OPCML: variants seen among roughly 807,000 people sequenced by gnomAD.
OPCML encodes opioid-binding protein/cell adhesion molecule.
OPCML carries 13 observed loss-of-function variants against 37.8 expected under a neutral mutation model. The ratio of observed to expected loss-of-function variants is 0.34; its 90% CI spans 0.22 to 0.55. The LOEUF (loss-of-function observed/expected upper bound fraction) is 0.55, where lower values mean the gene tolerates loss of function less well. OPCML is among the 20% of genes least tolerant of loss of function. The probability of loss-of-function intolerance (pLI) is 0.91; values close to 1 mark genes in which losing one functional copy is unlikely to be tolerated. For synonymous variants in OPCML, 176 were observed against 168.8 expected (o/e 1.04, Z -0.33); for missense variants, 341 against 435.6 (o/e 0.78, Z 1.93).
chr11:132,501,867 C>A (rs1459529881), intron 4 of OPCML, among the ~76,000 whole-genome samples: 1 of 152,154 alleles, frequency 6.6e-6, no homozygotes, highest in Non-Finnish European at 1.5e-5. Flanking sequence ...GAAGAATAGA[C>A]CCTCCTATCT....
chr11:132,770,803 A>C (rs1037969876), intron 2 of OPCML, among the ~76,000 whole-genome samples: 3 of 152,120 alleles, frequency 2.0e-5, no homozygotes, highest in Non-Finnish European at 4.4e-5. Context: ...TAGGGCAAGA[A>C]AGAATTGGAG....
chr11:133,225,488 A>G (rs1475242791), intron 1 of OPCML, among the ~76,000 whole-genome samples: 1 of 152,146 alleles, frequency 6.6e-6, no homozygotes, highest in African/African-American at 2.4e-5. Context: ...AAATTCCCCA[A>G]TGCGAGTGCT....
intron 3 of OPCML, among the ~76,000 whole-genome samples, chr11:132,586,065 G>T (rs1434377074): frequency 6.6e-6 from 1 of 152,222 alleles, no homozygotes; most frequent in Admixed American, 6.6e-5. Context: ...CTTGTGTAGG[G>T]TGGGGGCACT....
At chr11:133,333,162 G>A (rs540644997) in intron 1 of OPCML, among the ~76,000 whole-genome samples, 6 of 152,016 alleles carry the variant, frequency 3.9e-5, no homozygotes, top group East Asian at 1.9e-4. Context: ...AGGTTCAAGC[G>A]ACTCTTCTGC....
chr11:132,712,223 A>G (rs1451536429), intron 2 of OPCML, among the ~76,000 whole-genome samples: 1 of 152,160 alleles, frequency 6.6e-6, no homozygotes, highest in Non-Finnish European at 1.5e-5. Context: ...AGATGAATGT[A>G]ATTAGCGGAA....
chr11:133,070,149 G>A (rs1591972324), intron 1 of OPCML, among the ~76,000 whole-genome samples: 1 of 152,196 alleles, frequency 6.6e-6, no homozygotes, highest in Non-Finnish European at 1.5e-5. Flanking sequence ...ATATTACCTC[G>A]GGCATCTGCA....
At chr11:133,280,428 G>A (rs1942113370) in intron 1 of OPCML, among the ~76,000 whole-genome samples, 1 of 152,154 alleles carries the variant, frequency 6.6e-6, no homozygotes. Context: ...CAGATCTTCT[G>A]TCACCTCAGC....
chr11:133,041,998 AT>A (rs1165769567), intron 1 of OPCML, among the ~76,000 whole-genome samples: 3 of 151,960 alleles, frequency 2.0e-5, no homozygotes. Context: ...CGACCTTTCC[AT>A]CCCCCTCATC....
chr11:132,491,540 C>T (rs1326433377), intron 4 of OPCML, among the ~76,000 whole-genome samples: 1 of 152,260 alleles, frequency 6.6e-6, no homozygotes, highest in Non-Finnish European at 1.5e-5. Context: ...CCCAGAGGGG[C>T]TCATGGTATA....
At chr11:132,824,163 G>A (rs545492162) in intron 2 of OPCML, among the ~76,000 whole-genome samples, 2 of 152,070 alleles carry the variant, frequency 1.3e-5, no homozygotes, top group African/African-American at 4.8e-5. Flanking sequence ...AAAATCTTGT[G>A]TTCTGAACCA....
chr11:133,269,143 T>C (rs1467497036), intron 1 of OPCML, among the ~76,000 whole-genome samples: 1 of 152,182 alleles, frequency 6.6e-6, no homozygotes, highest in Non-Finnish European at 1.5e-5. Context: ...AGCCTCTTTA[T>C]GTCTAAGAGT....
intron 4 of OPCML, among the ~76,000 whole-genome samples, chr11:132,447,067 G>T (rs2096057284): frequency 1.3e-5 from 2 of 152,192 alleles, no homozygotes; most frequent in Admixed American, 1.3e-4. Context: ...CAGATGGGCA[G>T]TATACAAAAC....
chr11:133,360,698 G>A (rs1944393622), intron 1 of OPCML: 1 of 152,254 alleles, frequency 6.6e-6, no homozygotes, highest in African/African-American at 2.4e-5. Context: ...TAAGCTGTGT[G>A]TCTTCTTTCT....
At chr11:132,839,184 G>T (rs916293209) in intron 2 of OPCML, among the ~76,000 whole-genome samples, 1 of 152,184 alleles carries the variant, frequency 6.6e-6, no homozygotes, top group Non-Finnish European at 1.5e-5. Flanking sequence ...AACCCTGTTT[G>T]TCTTGTCAGA....
intron 2 of OPCML, among the ~76,000 whole-genome samples, chr11:132,767,635 A>G (rs1165163104): frequency 6.6e-6 from 1 of 152,206 alleles, no homozygotes; most frequent in Non-Finnish European, 1.5e-5. Context: ...CCATATGCTT[A>G]CCAAGAGTCA....
intron 4 of OPCML, among the ~76,000 whole-genome samples, chr11:132,490,204 T>A (rs1311618843): frequency 6.6e-6 from 1 of 151,776 alleles, no homozygotes; most frequent in East Asian, 2.0e-4. Context: ...TCTCTTGTAG[T>A]TCCTTCTGCT....
intron 2 of OPCML, among the ~76,000 whole-genome samples, chr11:132,921,187 T>G (rs544199343): frequency 6.6e-6 from 1 of 152,324 alleles, no homozygotes; most frequent in East Asian, 1.9e-4. Context: ...TTCCCTCAGC[T>G]TTTTTGTTTT....
intron 2 of OPCML, among the ~76,000 whole-genome samples, chr11:132,850,514 A>AGG (rs35866940): frequency 2.0e-3 from 269 of 131,576 alleles, no homozygotes; most frequent in African/African-American, 7.0e-3. Context: ...CACTGTGGAA[A>AGG]GGGTGTGTGT....
chr11:133,194,122 C>G (rs968205540), intron 1 of OPCML, among the ~76,000 whole-genome samples: 1 of 151,618 alleles, frequency 6.6e-6, no homozygotes, highest in African/African-American at 2.4e-5. Flanking sequence ...ATGTAACTGT[C>G]TAAGTCTGTC....
Sources: allele counts gnomAD v4.1 joint callset (sites outside exome capture counted in the v4.1 genomes callset), GRCh38; gene constraint gnomAD v4.1.1; transcripts MANE v1.5; gene names NCBI Gene and HGNC (gene_info 2026-07-23, HGNC 2026-07-21).